The following SHROOM3 variants were observed in gnomAD, a reference collection of about 807,000 sequenced individuals.
The protein encoded by SHROOM3 is shroom family member 3.
In SHROOM3, 47 loss-of-function variants were observed where a neutral mutation model predicts 138.6. That is an observed-to-expected ratio of 0.34 (90% CI 0.27 to 0.43). The LOEUF (loss-of-function observed/expected upper bound fraction) is 0.43, where lower values mean the gene tolerates loss of function less well. SHROOM3 is among the 20% of genes least tolerant of loss of function. The probability of loss-of-function intolerance (pLI) is 1.00; values close to 1 mark genes in which losing one functional copy is unlikely to be tolerated. For missense variants in SHROOM3, 2,491 were observed against 2,596.5 expected, an observed-to-expected ratio of 0.96 and a Z score of 0.88; for synonymous variants, 1,062 against 1,063.3, an observed-to-expected ratio of 1.00 and a Z score of 0.02.
intron 1 of SHROOM3, among the ~76,000 whole-genome samples, chr4:76,547,276 A>G (rs2110024097): frequency 6.6e-6 from 1 of 152,326 alleles, no homozygotes; most frequent in Non-Finnish European, 1.5e-5. Context: ...CTCTGAGGTT[A>G]GTCTTGAATT....
At chr4:76,574,749 A>T (rs996549902) in intron 2 of SHROOM3, among the ~76,000 whole-genome samples, 1 of 152,196 alleles carries the variant, frequency 6.6e-6, no homozygotes, top group African/African-American at 2.4e-5. Context: ...AAATGATTCC[A>T]CTTGTATAAG....
intron 1 of SHROOM3, among the ~76,000 whole-genome samples, chr4:76,553,544 A>G (rs527613015): frequency 3.6e-4 from 55 of 152,058 alleles, no homozygotes; most frequent in Middle Eastern, 3.4e-3. Context: ...CCAAAGTGCT[A>G]GGATTACAGG....
chr4:76,522,229 C>A (rs1362714920), intron 1 of SHROOM3, among the ~76,000 whole-genome samples: 1 of 145,676 alleles, frequency 6.9e-6, no homozygotes. Context: ...TGAATAAGTA[C>A]TTTATTATAT....
At chr4:76,552,068 A>C (rs994692172) in intron 1 of SHROOM3, among the ~76,000 whole-genome samples, 1 of 147,950 alleles carries the variant, frequency 6.8e-6, no homozygotes, top group Non-Finnish European at 1.5e-5. Context: ...TCACCGTGTT[A>C]GCCAGGATGG....
At chr4:76,528,319 T>G (rs1309579631) in intron 1 of SHROOM3, among the ~76,000 whole-genome samples, 3 of 147,644 alleles carry the variant, frequency 2.0e-5, no homozygotes, top group African/African-American at 7.6e-5. Context: ...AGTCTTTCTT[T>G]CTTTCCTTCT....
At chr4:76,510,993 C>T (rs1411591013) in intron 1 of SHROOM3, among the ~76,000 whole-genome samples, 3 of 151,902 alleles carry the variant, frequency 2.0e-5, no homozygotes, top group Admixed American at 6.6e-5. Flanking sequence ...CCAGCCTGGC[C>T]AACATGGTGA....
chr4:76,488,927 C>T (rs1251955155), intron 1 of SHROOM3, among the ~76,000 whole-genome samples: 1 of 152,234 alleles, frequency 6.6e-6, no homozygotes, highest in Non-Finnish European at 1.5e-5. Context: ...CAAGGTCACA[C>T]AGCCACAATG....
intron 2 of SHROOM3, among the ~76,000 whole-genome samples, chr4:76,584,013 T>C (rs114593887): frequency 5.5e-4 from 84 of 152,332 alleles, no homozygotes; most frequent in African/African-American, 1.9e-3. Flanking sequence ...TGTTTTAGTT[T>C]CCCTAAAGAG....
intron 1 of SHROOM3, among the ~76,000 whole-genome samples, chr4:76,481,354 T>C (rs1467246596): frequency 6.6e-6 from 1 of 152,118 alleles, no homozygotes; most frequent in African/African-American, 2.4e-5. Context: ...TAAACACCTC[T>C]ACACAAATAA....
chr4:76,761,802 T>G (rs1039899959), intron 9 of SHROOM3, among the ~76,000 whole-genome samples: 1 of 152,276 alleles, frequency 6.6e-6, no homozygotes, highest in South Asian at 2.1e-4. Context: ...GTCACGGGCT[T>G]AGGAAGACAA....
chr4:76,466,625 A>G (rs1234614336), intron 1 of SHROOM3, among the ~76,000 whole-genome samples: 1 of 152,188 alleles, frequency 6.6e-6, no homozygotes, highest in Non-Finnish European at 1.5e-5. Context: ...CTTTTGTTCA[A>G]TGTAATAATG....
At chr4:76,477,155 G>T in intron 1 of SHROOM3, among the ~76,000 whole-genome samples, 1 of 152,056 alleles carries the variant, frequency 6.6e-6, no homozygotes, top group East Asian at 1.9e-4. Flanking sequence ...TTTTAGTAGA[G>T]ATGGGGTTTC....
intron 2 of SHROOM3, among the ~76,000 whole-genome samples, chr4:76,709,133 C>G (rs1720152799): frequency 6.6e-6 from 1 of 152,182 alleles, no homozygotes; most frequent in Admixed American, 6.5e-5. Context: ...GTTCTGTGTT[C>G]CAGGAAATAG....
intron 2 of SHROOM3, among the ~76,000 whole-genome samples, chr4:76,600,650 C>T (rs1254018728): frequency 6.6e-6 from 1 of 152,172 alleles, no homozygotes; most frequent in African/African-American, 2.4e-5. Context: ...TAACTTTGGT[C>T]ATTGCTCTGG....
Position 76,770,820 on chromosome 4 carries a change from G to T in SHROOM3, c.5544G>T (p.Leu1848=). 1 of 1,614,224 alleles carries T rather than the reference G, an allele frequency of 6.2e-7. No homozygotes were observed. Among genetic ancestry groups the T allele is most frequent in the Non-Finnish European group, 8.5e-7 (1 of 1,180,042 alleles). ...IGDLDKVVNL[L]LSLSGRLARV... ...ATTTGGACAAGGTGGTCAACCTGCT[G>T]CTCTCCCTCTCGGGGCGTCTAGCCC... Residue 1848 remains leucine, a synonymous_variant, in exon 10 of 11, where the codon CTG becomes CTT. Transcript: ENST00000296043.
chr4:76,741,646 C>G lies in SHROOM3; in HGVS notation c.3473C>G (p.Ala1158Gly). Residue 1158 changes from alanine (A) to glycine (G), a missense_variant, in exon 5 of 11, where the codon GCC (alanine) becomes GGC (glycine). Physicochemically the swap from Ala to Gly is moderately conservative, Grantham distance 60. This residue lies in a region of SHROOM3 where 1,733 missense variants were observed against 1,661.6 expected (regional missense o/e 1.04). Transcript: ENST00000296043. The surrounding 1 kb of genome is among the most constrained non-coding windows in gnomAD (Gnocchi z 6.2). ...QPRREATLLPATVAETQQAPR... is the reference protein window; with the variant it reads ...QPRREATLLPGTVAETQQAPR... ...CGCAGGGAGGCCACGCTCCTGCCGG[C>G]CACAGTTGCAGAAACCCAGCAGGCT... 1.3e-6 allele frequency: 2 copies of G among 1,546,146 alleles called. No individual in the cohort carries two copies. The highest frequency in any genetic ancestry group is 1.7e-6 in the Non-Finnish European group (2 of 1,150,472).
intron 9 of SHROOM3, among the ~76,000 whole-genome samples, chr4:76,760,455 T>C (rs911260478): frequency 6.6e-6 from 1 of 152,226 alleles, no homozygotes. Flanking sequence ...GCATGTGTGC[T>C]GCAAAGGAAA....
At chr4:76,481,695 A>C (rs1246328292) in intron 1 of SHROOM3, among the ~76,000 whole-genome samples, 1 of 152,186 alleles carries the variant, frequency 6.6e-6, no homozygotes, top group Non-Finnish European at 1.5e-5. Context: ...GCAGAGACAC[A>C]ACAAAAAATG....
intron 1 of SHROOM3, among the ~76,000 whole-genome samples, chr4:76,555,148 G>T (rs528829689): frequency 6.6e-6 from 1 of 151,888 alleles, no homozygotes; most frequent in African/African-American, 2.4e-5. Context: ...TAAATGCAAC[G>T]CACTTGAACC....
Sources: gnomAD v4.1 joint callset for allele counts (sites outside exome capture counted in the v4.1 genomes callset) on GRCh38, gnomAD v4.1.1 for gene constraint, gnomAD v4.1.1 regional missense constraint, Gnocchi (gnomAD v3.1) non-coding constraint, MANE v1.5 for transcripts, NCBI Gene and HGNC (gene_info 2026-07-23, HGNC 2026-07-21) for gene names.